The following GRIN2A variants were observed in gnomAD, a reference collection of about 807,000 sequenced individuals.
The protein encoded by GRIN2A is glutamate receptor ionotropic, NMDA 2A.
In GRIN2A, 22 loss-of-function variants were observed where a neutral mutation model predicts 113.4. The ratio of observed to expected loss-of-function variants is 0.19; its 90% CI spans 0.14 to 0.28. GRIN2A has a LOEUF of 0.28. Ranked by LOEUF, GRIN2A falls within the 10% of genes least tolerant of loss-of-function variation. The pLI, the probability that GRIN2A is intolerant of heterozygous loss-of-function variation, is 1.00. For synonymous variants in GRIN2A, 827 were observed against 738.4 expected (o/e 1.12, Z -1.94); for missense variants, 1,502 against 1,887.0 (o/e 0.80, Z 3.78).
At chr16:9,992,888 C>T (rs2046147807) in intron 2 of GRIN2A, among the ~76,000 whole-genome samples, 1 of 152,194 alleles carries the variant, frequency 6.6e-6, no homozygotes, top group Admixed American at 6.6e-5. Flanking sequence ...CCCGTTCCTG[C>T]CATAATAATG....
chr16:10,076,101 G>A, intron 2 of GRIN2A, among the ~76,000 whole-genome samples: 1 of 152,124 alleles, frequency 6.6e-6, no homozygotes, highest in African/African-American at 2.4e-5. Context: ...CTTAGGATCG[G>A]ACATAGGGCT....
intron 11 of GRIN2A, among the ~76,000 whole-genome samples, chr16:9,791,508 G>A (rs1252524986): frequency 6.6e-6 from 1 of 152,160 alleles, no homozygotes; most frequent in Non-Finnish European, 1.5e-5. Flanking sequence ...GCCTCTCAGG[G>A]ATACGCCGTC....
intron 2 of GRIN2A, among the ~76,000 whole-genome samples, chr16:10,040,312 C>A (rs2141957457): frequency 6.7e-6 from 1 of 150,102 alleles, no homozygotes; most frequent in African/African-American, 2.4e-5. Flanking sequence ...AAATACACAA[C>A]ACACATCCAC....
intron 2 of GRIN2A, among the ~76,000 whole-genome samples, chr16:10,174,639 G>A (rs1175119537): frequency 6.6e-6 from 1 of 152,146 alleles, no homozygotes; most frequent in Non-Finnish European, 1.5e-5. Flanking sequence ...ACAGGGAGGT[G>A]TAAAGAGGAA....
chr16:9,885,030 C>T (rs545332127), intron 4 of GRIN2A, among the ~76,000 whole-genome samples: 1 of 152,092 alleles, frequency 6.6e-6, no homozygotes, highest in Non-Finnish European at 1.5e-5. Context: ...AGCCACCGTG[C>T]CCGGCTAGAG....
rs374471621 is a variant in GRIN2A at position 10,088,175 on chromosome 16, T to C, written c.414+91823A>G. 2.6e-5 allele frequency among the ~76,000 whole-genome samples: 4 copies of C among 152,156 alleles called. No homozygotes were observed. In the South Asian group the frequency reaches 8.3e-4, roughly 32 times the overall value. On this transcript the variant is annotated intron_variant, in intron 2 of 12. Transcript: ENST00000330684. Reference sequence around the variant, plus strand: ...ATTTGGACACAATTTTGAAGATAAGTGCAGGTAGTTTGCACATCCCAGGCT... The same window carrying C: ...ATTTGGACACAATTTTGAAGATAAGCGCAGGTAGTTTGCACATCCCAGGCT...
At chr16:10,044,118 A>C (rs555128190) in intron 2 of GRIN2A, among the ~76,000 whole-genome samples, 5 of 150,736 alleles carry the variant, frequency 3.3e-5, no homozygotes, top group Non-Finnish European at 7.4e-5. Flanking sequence ...CGGTGGCGCA[A>C]TCTCGGCTCA....
intron 11 of GRIN2A, among the ~76,000 whole-genome samples, chr16:9,773,159 C>T (rs531456311): frequency 6.6e-6 from 1 of 152,160 alleles, no homozygotes; most frequent in Non-Finnish European, 1.5e-5. Flanking sequence ...GCCTGCAGCA[C>T]GTAGTGAGCA....
At chr16:10,031,596 A>C (rs1048391839) in intron 2 of GRIN2A, 1 of 152,164 alleles carries the variant, frequency 6.6e-6, no homozygotes, top group African/African-American at 2.4e-5. Flanking sequence ...TTACCCATGG[A>C]ATGGTGAATG....
intron 2 of GRIN2A, among the ~76,000 whole-genome samples, chr16:10,107,297 A>G (rs770636199): frequency 5.3e-5 from 8 of 152,186 alleles, no homozygotes; most frequent in Non-Finnish European, 1.0e-4. Context: ...ATGGATGAGG[A>G]AAGCAGGGTG....
chr16:10,106,043 A>C (rs1354531291), intron 2 of GRIN2A, among the ~76,000 whole-genome samples: 1 of 152,250 alleles, frequency 6.6e-6, no homozygotes, highest in Non-Finnish European at 1.5e-5. Flanking sequence ...ATGTTAAAAG[A>C]AGTTTTTTGC....
intron 3 of GRIN2A, among the ~76,000 whole-genome samples, chr16:9,895,374 G>A (rs948429268): frequency 1.3e-5 from 2 of 152,216 alleles, no homozygotes; most frequent in African/African-American, 4.8e-5. Context: ...TGTGTTCAAT[G>A]AGCTGCCGTC....
At chr16:10,016,490 A>T (rs1331721183) in intron 2 of GRIN2A, among the ~76,000 whole-genome samples, 1 of 152,004 alleles carries the variant, frequency 6.6e-6, no homozygotes, top group African/African-American at 2.4e-5. Flanking sequence ...CTTGCCAACC[A>T]CAGACCCATC....
chr16:10,156,866 T>A (rs995247111), intron 2 of GRIN2A, among the ~76,000 whole-genome samples: 1 of 152,066 alleles, frequency 6.6e-6, no homozygotes, highest in African/African-American at 2.4e-5. Context: ...AAAGTAAAGA[T>A]GGAGGTGGGA....
intron 2 of GRIN2A, among the ~76,000 whole-genome samples, chr16:9,981,980 G>A (rs767609087): frequency 1.3e-5 from 2 of 152,032 alleles, no homozygotes; most frequent in Admixed American, 6.6e-5. Context: ...AGAGACGGGG[G>A]TTTCGCCATG....
chr16:9,891,492 T>C (rs539274590), intron 3 of GRIN2A, among the ~76,000 whole-genome samples: 1 of 152,216 alleles, frequency 6.6e-6, no homozygotes, highest in Non-Finnish European at 1.5e-5. Flanking sequence ...TTTATTCAAC[T>C]AATATATATG....
intron 2 of GRIN2A, among the ~76,000 whole-genome samples, chr16:9,982,131 T>C (rs903737375): frequency 6.6e-6 from 1 of 152,188 alleles, no homozygotes; most frequent in Non-Finnish European, 1.5e-5. Context: ...ATTGCATTTT[T>C]GGTTTTAAAA....
intron 2 of GRIN2A, among the ~76,000 whole-genome samples, chr16:10,133,576 C>T: frequency 6.6e-6 from 1 of 152,126 alleles, no homozygotes; most frequent in Non-Finnish European, 1.5e-5. Flanking sequence ...CACTGCACTC[C>T]AGCCTGGGTT....
intron 1 of GRIN2A, among the ~76,000 whole-genome samples, chr16:10,181,031 C>T (rs928988326): frequency 6.6e-6 from 1 of 152,322 alleles, no homozygotes; most frequent in African/African-American, 2.4e-5. Flanking sequence ...GCCCCAACTA[C>T]AGACCCGGCT....
Sources: allele counts gnomAD v4.1 joint callset (sites outside exome capture counted in the v4.1 genomes callset), GRCh38; gene constraint gnomAD v4.1.1; transcripts MANE v1.5; gene names NCBI Gene and HGNC (gene_info 2026-07-23, HGNC 2026-07-21).